The following PKP3 variants were observed in gnomAD, a reference collection of about 807,000 sequenced individuals.
The protein encoded by PKP3 is plakophilin-3.
In PKP3, 66 loss-of-function variants were observed where a neutral mutation model predicts 76.5. The ratio of observed to expected loss-of-function variants is 0.86; its 90% CI spans 0.71 to 1.06. The LOEUF is 1.06. Ranked by LOEUF, PKP3 falls within the 50% of genes least tolerant of loss-of-function variation. The pLI is 0.00. For missense variants in PKP3, 1,338 were observed against 1,141.0 expected (o/e 1.17, Z -2.49); for synonymous variants, 638 against 516.5 (o/e 1.24, Z -3.19).
intron 4 of PKP3, 82 bp from the exon 5 acceptor site, chr11:398,910 C>A: frequency 1.8e-6 from 2 of 1,104,280 alleles, no homozygotes; most frequent in Non-Finnish European, 2.6e-6. Context: ...TACATCTACG[C>A]ACCTGGACAC....
rs934190337 is a variant in PKP3 at position 404,443 on chromosome 11, G to A, written c.2359-91G>A. ...CCAGGGACCCAGAGAGGAAGGGTCCGGGCCACACCCAGCACACTGCAGGAG... is the reference window on the plus strand; with the variant it reads ...CCAGGGACCCAGAGAGGAAGGGTCCAGGCCACACCCAGCACACTGCAGGAG... On this transcript the variant is annotated intron_variant, in intron 12 of 12. Transcript: ENST00000331563. The surrounding 1 kb of genome is among the most constrained non-coding windows in gnomAD (Gnocchi z 4.2). The A allele has an allele frequency of 2.1e-5, 32 of 1,505,458 alleles. No individual in the cohort carries two copies. Among genetic ancestry groups the A allele is most frequent in the Non-Finnish European group, 2.6e-5 (28 of 1,082,518 alleles). The allele number at this position is 1,505,458 out of a possible 1,614,324, so 93.3% of individuals were successfully genotyped here.
intron 1 of PKP3, chr11:396,330 C>T (rs566584198): frequency 1.7e-5 from 7 of 416,344 alleles, no homozygotes; most frequent in Non-Finnish European, 2.6e-5. Flanking sequence ...TTCCTCCTGG[C>T]GACCAGGAGG....
intron 1 of PKP3, 112 bp from the exon 2 acceptor site, chr11:396,495 TG>T: frequency 1.4e-6 from 1 of 711,280 alleles, no homozygotes; most frequent in Non-Finnish European, 2.3e-6. Context: ...CTCCCTGCCC[TG>T]GATTGGAGGC....
intron 6 of PKP3, 79 bp downstream of exon 6, chr11:400,220 G>A: frequency 2.1e-6 from 3 of 1,415,666 alleles, no homozygotes; most frequent in East Asian, 5.0e-5. Context: ...GGCGTTCGCA[G>A]CCCACACACC....
At chr11:394,083 C>A, upstream of PKP3, 1 of 664,886 alleles carries the variant, frequency 1.5e-6, no homozygotes, top group Non-Finnish European at 2.3e-6. Context: ...GCCCAAATTC[C>A]ACCTTAAGCA....
At chr11:393,903 C>T (rs1374693443), upstream of PKP3, among the ~76,000 whole-genome samples, 1 of 152,216 alleles carries the variant, frequency 6.6e-6, no homozygotes, top group Admixed American at 6.5e-5. Context: ...TTCCCTGACA[C>T]TCAGGACACA....
upstream of PKP3, chr11:392,825 G>A (rs1056221609): frequency 6.6e-5 from 28 of 423,664 alleles, no homozygotes; most frequent in Non-Finnish European, 1.1e-4. Flanking sequence ...GCTGACCTCC[G>A]ACTCCTACTC....
intron 4 of PKP3, 58 bp from the exon 5 acceptor site, chr11:398,934 T>G: frequency 7.8e-7 from 1 of 1,284,270 alleles, no homozygotes; most frequent in Non-Finnish European, 1.1e-6. Context: ...TGCACACAGG[T>G]GCATAGTCTG....
In PKP3 at chr11:400,615, G is replaced by C; in HGVS notation, c.1647G>C (p.Arg549=). Residue 549 remains arginine, a synonymous_variant, in exon 8 of 13, where the codon CGG becomes CGC. Coordinates refer to ENST00000331563, the MANE Select transcript of PKP3 (RefSeq NM_007183.4). ...YDEMPPSALQ[R]LEGRGRRDLA... Reference sequence around the variant, plus strand: ...AGATGCCGCCGTCCGCGCTGCAGCGGCTGGAGGGTCGCGGCCGCAGGGACC... The same window carrying C: ...AGATGCCGCCGTCCGCGCTGCAGCGCCTGGAGGGTCGCGGCCGCAGGGACC... The C allele has an allele frequency of 1.4e-6, 2 of 1,435,432 alleles. No individual in the cohort carries two copies. Among genetic ancestry groups the C allele is most frequent in the Non-Finnish European group, 1.8e-6 (2 of 1,103,720 alleles). 88.9% of individuals were successfully genotyped at this position (1,435,432 alleles called of 1,614,324 possible). A position where few individuals can be genotyped will look rare whatever the true frequency, so the allele number is the denominator to read the frequency against.
chr11:398,872 C>T (rs1476026163), intron 4 of PKP3, 120 bp from the exon 5 acceptor site: 11 of 812,280 alleles, frequency 1.4e-5, no homozygotes, highest in Admixed American at 4.8e-5. Flanking sequence ...TCCGTCACCT[C>T]CCTATACGGC....
intron 1 of PKP3, among the ~76,000 whole-genome samples, chr11:395,161 G>A (rs1449896454): frequency 4.6e-5 from 7 of 152,224 alleles, no homozygotes; most frequent in Admixed American, 6.5e-5. Flanking sequence ...GTGTGCATGC[G>A]TGTGAGTGTG....
intron 5 of PKP3, 24 bp downstream of exon 5, chr11:399,220 C>T (rs1847106524): frequency 2.7e-6 from 4 of 1,494,244 alleles, no homozygotes; most frequent in Non-Finnish European, 3.6e-6. Context: ...CCTCCTCCAC[C>T]TGTCCTTCCT....
Position 394,468 on chromosome 11 carries a change from A to G in PKP3, c.176A>G (p.Gln59Arg). The G allele has an allele frequency of 1.4e-6, 2 of 1,439,752 alleles. No homozygotes were observed. The highest frequency in any genetic ancestry group is 1.8e-6 in the Non-Finnish European group (2 of 1,103,220). The allele number at this position is 1,439,752 out of a possible 1,614,324, so 89.2% of individuals were successfully genotyped here. The change falls in exon 1 of 13, where the codon CAG becomes CGG. Residue 59 changes from glutamine to arginine, a missense_variant. Gln to Arg is a conservative substitution (Grantham distance 43). Coordinates refer to ENST00000331563, the MANE Select transcript of PKP3 (RefSeq NM_007183.4). Reference protein sequence around the residue: ...QVRARLLQLGQQPRHNGAAEP... With the variant: ...QVRARLLQLGRQPRHNGAAEP... ...CGCGCCCGCCTCTTGCAGCTGGGAC[A>G]GCAGCCGCGGCACAACGGGGCCGCT...
chr11:398,974 A>T lies in PKP3; in HGVS notation c.1069-18A>T. The T allele has an allele frequency of 1.3e-6, 2 of 1,544,278 alleles. No homozygotes were observed. The highest frequency in any genetic ancestry group is 1.8e-6 in the Non-Finnish European group (2 of 1,140,496). ...CATCCACATGCGTCTGTGCACCCCC[A>T]TATGCCTGTGCCCGCAGGCCCGCAG... On this transcript the variant is annotated intron_variant, in intron 4 of 12. Coordinates refer to ENST00000331563, the MANE Select transcript of PKP3 (RefSeq NM_007183.4).
rs1160772959 is a variant in PKP3 at position 400,338 on chromosome 11, C to G, written c.1453C>G (p.Leu485Val). ...FYNATGFLRN[L>V]SSASQATRQK... ...CTGATCCACCTCGGTCCCCAGGAAC[C>G]TCAGCTCAGCCTCTCAGGCCACTCG... Residue 485 changes from leucine to valine, a missense_variant, in exon 7 of 13, where the codon CTC (leucine) becomes GTC (valine). Coordinates refer to ENST00000331563, the MANE Select transcript of PKP3 (RefSeq NM_007183.4). 2 of 1,548,382 alleles carry G rather than the reference C, an allele frequency of 1.3e-6. No individual in the cohort carries two copies. The highest frequency in any genetic ancestry group is 1.8e-4 in the Middle Eastern group (1 of 5,702).
intron 7 of PKP3, 41 bp downstream of exon 7, chr11:400,492 C>T: frequency 6.6e-7 from 1 of 1,510,852 alleles, no homozygotes; most frequent in African/African-American, 1.4e-5. Flanking sequence ...GCCCCCGGGC[C>T]GCCGCTCTGA....
rs1004845172 is a variant in PKP3, at chr11:404,327, C to T, written c.2358+4C>T. On this transcript the variant is annotated splice_donor_region_variant and intron_variant, in intron 12 of 12. Coordinates refer to ENST00000331563, the MANE Select transcript of PKP3 (RefSeq NM_007183.4). This position sits in a 1 kb window ranked among gnomAD's most constrained non-coding sequence, Gnocchi z 4.2. ...GCTCCACCGTGACTTCCGGGCGGTA[C>T]GTTTCCCGAGCCCAGGGCAAGCAGG... The T allele has an allele frequency of 4.4e-5, 71 of 1,611,012 alleles. No homozygotes were observed. Among genetic ancestry groups the T allele is most frequent in the Admixed American group, 8.3e-5 (5 of 59,994 alleles).
At position 404,250 on chromosome 11, in the gene PKP3, A is replaced by C. The variant is rs927350560; in HGVS notation, c.2285A>C (p.Lys762Thr). Residue 762 changes from lysine (K) to threonine (T), a missense_variant, in exon 12 of 13, where the codon AAG (lysine) becomes ACG (threonine). By Grantham distance (78) the Lys-to-Thr change is moderately conservative. Transcript: ENST00000331563. The surrounding 1 kb of genome is among the most constrained non-coding windows in gnomAD (Gnocchi z 4.2). ...KKKRDSPDSE[K>T]SSRAASSLLA... ...TCCACCCTCAGCCCCGACAGTGAGA[A>C]GTCCTCCCGGGCAGCATCCAGCCTC... The C allele has an allele frequency of 6.2e-7, 1 of 1,612,546 alleles. No homozygotes were observed. The highest frequency in any genetic ancestry group is 8.5e-7 in the Non-Finnish European group (1 of 1,179,830).
In PKP3 at chr11:394,462, T is replaced by C. The variant is rs1322009156; in HGVS notation, c.170T>C (p.Leu57Pro). Residue 57 changes from leucine (L) to proline (P), a missense_variant, in exon 1 of 13, where the codon CTG (leucine) becomes CCG (proline). By Grantham distance (98) the Leu-to-Pro change is moderately conservative. Transcript: ENST00000331563. ...CAGGTCCGCGCCCGCCTCTTGCAGC[T>C]GGGACAGCAGCCGCGGCACAACGGG... ...QEQVRARLLQ[L>P]GQQPRHNGAA... is the part of the protein sequence containing the mutation. 1 of 1,444,682 alleles carries C rather than the reference T, an allele frequency of 6.9e-7. No homozygotes were observed. The highest frequency in any genetic ancestry group is 2.7e-5 in the Admixed American group (1 of 36,406). 89.5% of individuals were successfully genotyped at this position (1,444,682 alleles called of 1,614,324 possible). A position where few individuals can be genotyped will look rare whatever the true frequency, so the allele number is the denominator to read the frequency against.
Sources: gnomAD v4.1 joint callset for allele counts (sites outside exome capture counted in the v4.1 genomes callset) on GRCh38, gnomAD v4.1.1 for gene constraint, Gnocchi (gnomAD v3.1) non-coding constraint, MANE v1.5 for transcripts, NCBI Gene and HGNC (gene_info 2026-07-23, HGNC 2026-07-21) for gene names.